The following AFAP1 variants were observed in gnomAD, a reference collection of about 807,000 sequenced individuals.
AFAP1 encodes actin filament-associated protein 1.
A neutral mutation model predicts 93.9 loss-of-function variants in AFAP1; 75 were observed. The ratio of observed to expected loss-of-function variants is 0.80; its 90% CI spans 0.66 to 0.97. The LOEUF is 0.97. Among genes scored for constraint, AFAP1 ranks in the 50% least tolerant of loss-of-function variants. AFAP1 has a pLI of 0.00. For synonymous variants in AFAP1, 517 were observed against 430.7 expected, an observed-to-expected ratio of 1.20 and a Z score of -2.48; for missense variants, 1,201 against 1,050.8, an observed-to-expected ratio of 1.14 and a Z score of -1.98.
chr4:7,897,450 T>C (rs1012499526), intron 1 of AFAP1, among the ~76,000 whole-genome samples: 1 of 152,182 alleles, frequency 6.6e-6, no homozygotes, highest in Admixed American at 6.5e-5. Flanking sequence ...TAATCCTATC[T>C]TGGGAACTAC....
At chr4:7,924,187 C>G (rs541841520) in intron 1 of AFAP1, among the ~76,000 whole-genome samples, 2 of 152,324 alleles carry the variant, frequency 1.3e-5, no homozygotes, top group Admixed American at 6.5e-5. Context: ...ACCAAAAAAG[C>G]TGGAACGTTT....
intron 1 of AFAP1, among the ~76,000 whole-genome samples, chr4:7,906,494 A>C (rs1158348862): frequency 1.3e-5 from 2 of 152,194 alleles, no homozygotes; most frequent in Non-Finnish European, 2.9e-5. Flanking sequence ...GAGTCCAGCC[A>C]ATGTATTTGG....
At chr4:7,894,639 CCAT>C (rs1001286590) in intron 1 of AFAP1, among the ~76,000 whole-genome samples, 9 of 152,164 alleles carry the variant, frequency 5.9e-5, no homozygotes, top group African/African-American at 2.2e-4. Context: ...CCACCAACCA[CCAT>C]AACTGTGTTG....
At chr4:7,821,130 A>T (rs1448334431) in intron 6 of AFAP1, among the ~76,000 whole-genome samples, 1 of 152,160 alleles carries the variant, frequency 6.6e-6, no homozygotes, top group African/African-American at 2.4e-5. Flanking sequence ...AAAAATATAT[A>T]TATACATATA....
intron 9 of AFAP1, among the ~76,000 whole-genome samples, chr4:7,805,561 G>C (rs527936094): frequency 6.6e-6 from 1 of 152,350 alleles, no homozygotes; most frequent in East Asian, 1.9e-4. Flanking sequence ...ACTGAGCTCA[G>C]TGTTTCATGT....
Position 7,763,172 on chromosome 4 carries a change from G to A in AFAP1, c.*593C>T, listed in dbSNP as rs1390971383. 6.6e-6 allele frequency: 1 copy of A among 152,642 alleles called. No individual in the cohort carries two copies. 9.5% of individuals were successfully genotyped at this position (152,642 alleles called of 1,614,324 possible). On this transcript the variant is annotated 3_prime_UTR_variant, in exon 18 of 18. Transcript: ENST00000420658. Reference sequence around the variant, plus strand: ...ATCTGTCCAAAAAATAATAATAAAAGGTAAAAAACGTTTCACAGCGCGATT... The same window carrying A: ...ATCTGTCCAAAAAATAATAATAAAAAGTAAAAAACGTTTCACAGCGCGATT...
intron 10 of AFAP1, among the ~76,000 whole-genome samples, chr4:7,798,520 T>C (rs1718704787): frequency 6.6e-6 from 1 of 152,246 alleles, no homozygotes; most frequent in Non-Finnish European, 1.5e-5. Flanking sequence ...TCAGGCTTCT[T>C]GCTTACATTG....
In AFAP1 at chr4:7,829,663, G is replaced by T. The variant is rs566905076; in HGVS notation, c.726+8861C>A. Among the ~76,000 whole-genome samples, 245 of 152,286 alleles carry T rather than the reference G, an allele frequency of 1.6e-3. 2 individuals carry two copies. The highest frequency in any genetic ancestry group is 5.6e-3 in the African/African-American group (233 of 41,572). On this transcript the variant is annotated intron_variant, in intron 6 of 17. Coordinates refer to ENST00000420658, the MANE Select transcript of AFAP1 (RefSeq NM_001134647.2). ...GAGGAGTGCAGATTACAACTAGACTGAGATACCATCCTTCCACATCAGACT... is the reference window on the plus strand; with the variant it reads ...GAGGAGTGCAGATTACAACTAGACTTAGATACCATCCTTCCACATCAGACT...
rs142685031 is a variant in AFAP1 at position 7,828,565 on chromosome 4, C to T, written c.727-9394G>A. Among the ~76,000 whole-genome samples the T allele has an allele frequency of 3.6e-4, 55 of 152,216 alleles. 1 individual carries two copies. The East Asian group carries it at 0.01, about 28-fold the overall frequency. ...AGCTATCCGGCCTGTTCTCTGCAGG[C>T]GTATGCGGAGCCTAATGAGATGCAG... is the stretch of plus-strand genomic sequence containing the variant. On this transcript the variant is annotated intron_variant, in intron 6 of 17. Transcript: ENST00000420658.
intron 1 of AFAP1, among the ~76,000 whole-genome samples, chr4:7,875,295 G>A (rs1018212515): frequency 2.0e-5 from 3 of 152,212 alleles, no homozygotes; most frequent in African/African-American, 7.2e-5. Context: ...GTAAGCGGGA[G>A]AGAAATGGTA....
chr4:7,811,864 C>A (rs2149055659), intron 8 of AFAP1, among the ~76,000 whole-genome samples: 1 of 152,210 alleles, frequency 6.6e-6, no homozygotes, highest in East Asian at 1.9e-4. Context: ...AACACAGTCC[C>A]AGCATTTCTG....
chr4:7,783,762 G>A (rs1423185625), intron 12 of AFAP1, among the ~76,000 whole-genome samples: 2 of 152,226 alleles, frequency 1.3e-5, no homozygotes, highest in African/African-American at 4.8e-5. Flanking sequence ...ATGATCACGT[G>A]TGTGGTTCCA....
chr4:7,906,812 G>A (rs549954776), intron 1 of AFAP1, among the ~76,000 whole-genome samples: 1 of 152,292 alleles, frequency 6.6e-6, no homozygotes, highest in Admixed American at 6.5e-5. Flanking sequence ...CCTGAGGTCG[G>A]AAGTTCAAGA....
At chr4:7,798,951 C>G (rs950285266) in intron 10 of AFAP1, 1 of 986,816 alleles carries the variant, frequency 1.0e-6, no homozygotes, top group Non-Finnish European at 1.2e-6. Context: ...GATCTGCTGT[C>G]AGAGCTCTCA....
At chr4:7,898,741 C>T (rs954186479) in intron 1 of AFAP1, among the ~76,000 whole-genome samples, 2 of 150,818 alleles carry the variant, frequency 1.3e-5, no homozygotes, top group Non-Finnish European at 2.9e-5. Flanking sequence ...CAACTAAGCA[C>T]ATCTATTTTT....
In AFAP1 at chr4:7,800,446, A is replaced by C; in HGVS notation, c.1262T>G (p.Leu421Trp). ...AGCCCCTGGGAAATATCCTACCTCC[A>C]ATACTGCAACCTCCTGGCCGTTGCG... ...LLRNGQEVAV[L>W]EASSSEDMGR... Residue 421 changes from leucine to tryptophan, a missense_variant, in exon 10 of 18, where the codon TTG (leucine) becomes TGG (tryptophan). Coordinates refer to ENST00000420658, the MANE Select transcript of AFAP1 (RefSeq NM_001134647.2). 3.1e-6 allele frequency: 5 copies of C among 1,614,140 alleles called. No individual in the cohort carries two copies. Among genetic ancestry groups the C allele is most frequent in the Non-Finnish European group, 4.2e-6 (5 of 1,180,008 alleles).
intron 1 of AFAP1, among the ~76,000 whole-genome samples, chr4:7,885,255 C>G (rs1010415270): frequency 2.6e-5 from 4 of 152,206 alleles, no homozygotes; most frequent in Admixed American, 2.6e-4. Context: ...TGTCACACTT[C>G]AGGCCTTCTC....
Position 7,939,827 on chromosome 4 carries a change from G to A in AFAP1, c.-174C>T, listed in dbSNP as rs1371093256. The A allele has an allele frequency of 1.7e-5, 5 of 289,338 alleles. No homozygotes were observed. Among genetic ancestry groups the A allele is most frequent in the Non-Finnish European group, 2.6e-5 (4 of 151,330 alleles). The allele number at this position is 289,338 out of a possible 1,614,324, so 17.9% of individuals were successfully genotyped here. A position where few individuals can be genotyped will look rare whatever the true frequency, so the allele number is the denominator to read the frequency against. The stretch of plus-strand genomic sequence containing the variant: ...CTCGAGATCCGGCTCGGCTCGCGGA[G>A]CTGCAGCCGGCGTGGGGCTGCGGCC... On this transcript the variant is annotated 5_prime_UTR_variant, in exon 1 of 18. Transcript: ENST00000420658. The surrounding 1 kb of genome is among the most constrained non-coding windows in gnomAD (Gnocchi z 5.6).
chr4:7,837,860 G>T (rs1428934146), intron 6 of AFAP1, among the ~76,000 whole-genome samples: 3 of 152,056 alleles, frequency 2.0e-5, no homozygotes, highest in Non-Finnish European at 4.4e-5. Flanking sequence ...CTCTAGAAAA[G>T]ATACAAAAAC....
Sources: allele counts gnomAD v4.1 joint callset (sites outside exome capture counted in the v4.1 genomes callset), GRCh38; gene constraint gnomAD v4.1.1; non-coding constraint Gnocchi (gnomAD v3.1); transcripts MANE v1.5; gene names NCBI Gene and HGNC (gene_info 2026-07-23, HGNC 2026-07-21).